The following NXPH1 variants were observed in gnomAD, a reference collection of about 807,000 sequenced individuals.
NXPH1 encodes neurexophilin-1.
NXPH1 carries 5 observed loss-of-function variants against 23.7 expected under a neutral mutation model. The observed-to-expected ratio is 0.21, with a 90% CI of 0.11 to 0.44. NXPH1 has a LOEUF of 0.44. Ranked by LOEUF, NXPH1 falls within the 20% of genes least tolerant of loss-of-function variation. The probability of loss-of-function intolerance (pLI) is 0.99; values close to 1 mark genes in which losing one functional copy is unlikely to be tolerated. For synonymous variants in NXPH1, 144 were observed against 122.2 expected (o/e 1.18, Z -1.18); for missense variants, 324 against 321.6 (o/e 1.01, Z -0.06).
chr7:8,581,345 A>G (rs925835477), intron 2 of NXPH1, among the ~76,000 whole-genome samples: 8 of 152,216 alleles, frequency 5.3e-5, no homozygotes, highest in African/African-American at 1.7e-4. Context: ...CAGGCTGTAC[A>G]GGAAGCCATG....
chr7:8,447,982 T>C (rs576056954), intron 2 of NXPH1, among the ~76,000 whole-genome samples: 3 of 152,324 alleles, frequency 2.0e-5, no homozygotes, highest in African/African-American at 4.8e-5. Flanking sequence ...AACGAGGACC[T>C]GGCCATAACA....
chr7:8,727,472 T>C (rs966750675), intron 2 of NXPH1, among the ~76,000 whole-genome samples: 1 of 147,806 alleles, frequency 6.8e-6, no homozygotes, highest in African/African-American at 2.6e-5. Context: ...TGGTTTTAGG[T>C]CTAACGTTTA....
chr7:8,751,619 A>C lies in NXPH1; in HGVS notation c.666A>C (p.Gln222His). The change falls in exon 3 of 3, where the codon CAA becomes CAC. Residue 222 changes from glutamine (Q) to histidine (H), a missense_variant. Physicochemically the swap from Gln to His is conservative, Grantham distance 24. Coordinates refer to ENST00000405863, the MANE Select transcript of NXPH1 (RefSeq NM_152745.3). The surrounding 1 kb of genome is among the most constrained non-coding windows in gnomAD (Gnocchi z 4.5). ...YDPSKTCYQE[Q>H]TQSHVSWLCS... ...CTTCAAAAACCTGTTACCAGGAGCA[A>C]ACCCAAAGTCATGTATCCTGGCTCT... The C allele has an allele frequency of 6.2e-7, 1 of 1,613,632 alleles. No homozygotes were observed. The highest frequency in any genetic ancestry group is 8.5e-7 in the Non-Finnish European group (1 of 1,179,764).
intron 2 of NXPH1, among the ~76,000 whole-genome samples, chr7:8,667,496 C>T (rs1260223068): frequency 6.6e-6 from 1 of 150,610 alleles, no homozygotes; most frequent in African/African-American, 2.4e-5. Context: ...TTTGAATATG[C>T]ATTTGCCATC....
At chr7:8,714,229 A>G (rs564656618) in intron 2 of NXPH1, among the ~76,000 whole-genome samples, 2 of 152,074 alleles carry the variant, frequency 1.3e-5, no homozygotes, top group East Asian at 3.9e-4. Context: ...CCATAGGCCC[A>G]TGGAGAGTAT....
chr7:8,502,585 A>C (rs1021319988), intron 2 of NXPH1, among the ~76,000 whole-genome samples: 12 of 151,774 alleles, frequency 7.9e-5, no homozygotes, highest in Admixed American at 3.9e-4. Flanking sequence ...TGGAGTAATG[A>C]GGGATTGGCT....
chr7:8,495,405 T>C (rs1563327126), intron 2 of NXPH1, among the ~76,000 whole-genome samples: 1 of 151,548 alleles, frequency 6.6e-6, no homozygotes, highest in South Asian at 2.1e-4. Flanking sequence ...TTGAGGCTTG[T>C]GTTTGACCAA....
chr7:8,540,929 A>G (rs1190790987), intron 2 of NXPH1, among the ~76,000 whole-genome samples: 1 of 151,846 alleles, frequency 6.6e-6, no homozygotes, highest in African/African-American at 2.4e-5. Context: ...AATGAATCAA[A>G]CTATTTCTAA....
At chr7:8,592,799 T>C (rs1179790798) in intron 2 of NXPH1, among the ~76,000 whole-genome samples, 1 of 151,800 alleles carries the variant, frequency 6.6e-6, no homozygotes, top group African/African-American at 2.4e-5. Context: ...TTGAATCTTA[T>C]ATAATTTTCA....
At chr7:8,741,726 C>G (rs1583256614) in intron 2 of NXPH1, among the ~76,000 whole-genome samples, 1 of 152,092 alleles carries the variant, frequency 6.6e-6, no homozygotes, top group Non-Finnish European at 1.5e-5. Flanking sequence ...CAATAAAATA[C>G]AGGCTCTAAA....
chr7:8,493,304 C>T (rs1359053132), intron 2 of NXPH1, among the ~76,000 whole-genome samples: 1 of 152,004 alleles, frequency 6.6e-6, no homozygotes, highest in Admixed American at 6.6e-5. Context: ...GCAATTTTAA[C>T]CCTATAGCTC....
At chr7:8,591,082 A>G (rs1819085206) in intron 2 of NXPH1, among the ~76,000 whole-genome samples, 1 of 152,114 alleles carries the variant, frequency 6.6e-6, no homozygotes. Flanking sequence ...AAAAGCAGAG[A>G]GGAGAAAACA....
intron 2 of NXPH1, among the ~76,000 whole-genome samples, chr7:8,481,184 T>C (rs996211945): frequency 6.6e-6 from 1 of 152,198 alleles, no homozygotes; most frequent in African/African-American, 2.4e-5. Context: ...GTGATGATTA[T>C]ACTGGTCAAC....
intron 2 of NXPH1, among the ~76,000 whole-genome samples, chr7:8,488,724 T>A (rs138277175): frequency 6.6e-6 from 1 of 152,160 alleles, no homozygotes; most frequent in African/African-American, 2.4e-5. Context: ...TAAATCTACA[T>A]TGAGTTTCTA....
At chr7:8,469,548 A>G (rs917662180) in intron 2 of NXPH1, among the ~76,000 whole-genome samples, 1 of 152,032 alleles carries the variant, frequency 6.6e-6, no homozygotes, top group Non-Finnish European at 1.5e-5. Context: ...TCATGAAACT[A>G]CTAGTCTTTT....
intron 2 of NXPH1, among the ~76,000 whole-genome samples, chr7:8,716,823 T>C (rs1294729336): frequency 6.6e-6 from 1 of 152,162 alleles, no homozygotes; most frequent in Non-Finnish European, 1.5e-5. Flanking sequence ...CCCTGAGCCA[T>C]TGGAGTGTCT....
chr7:8,436,748 T>A (rs977562115), intron 2 of NXPH1, among the ~76,000 whole-genome samples: 1 of 152,148 alleles, frequency 6.6e-6, no homozygotes, highest in African/African-American at 2.4e-5. Context: ...CTATGTTCTG[T>A]CTAGGGGTGA....
intron 2 of NXPH1, among the ~76,000 whole-genome samples, chr7:8,573,492 T>C (rs1185308278): frequency 1.3e-5 from 2 of 152,074 alleles, no homozygotes; most frequent in Non-Finnish European, 2.9e-5. Flanking sequence ...CTATAGGGCA[T>C]AGGTGGGGAA....
intron 2 of NXPH1, among the ~76,000 whole-genome samples, chr7:8,446,765 G>T (rs1038658850): frequency 6.6e-6 from 1 of 151,522 alleles, no homozygotes; most frequent in Admixed American, 6.6e-5. Context: ...TTTCCTCACT[G>T]TATATTTATA....
Sources: allele counts gnomAD v4.1 joint callset (sites outside exome capture counted in the v4.1 genomes callset), GRCh38; gene constraint gnomAD v4.1.1; non-coding constraint Gnocchi (gnomAD v3.1); transcripts MANE v1.5; gene names NCBI Gene and HGNC (gene_info 2026-07-23, HGNC 2026-07-21).